Variants in PCBP3 observed in about 807,000 individuals in gnomAD.
PCBP3 encodes the protein poly(rC) binding protein 3, also known as poly(rC)-binding protein 3.
PCBP3 carries 25 observed loss-of-function variants against 52.7 expected under a neutral mutation model. The observed-to-expected ratio is 0.47, with a 90% confidence interval of 0.35 to 0.66. The LOEUF (loss-of-function observed/expected upper bound fraction) is 0.66. PCBP3 is among the 30% of genes least tolerant of loss of function. The pLI is 0.01. For missense variants in PCBP3, 391 were observed against 490.3 expected, an observed-to-expected ratio of 0.80 and a Z score of 1.91; for synonymous variants, 162 against 183.0, an observed-to-expected ratio of 0.89 and a Z score of 0.93.
chr21:45,776,334 A>G (rs1569209176), intron 4 of PCBP3, among the ~76,000 whole-genome samples: 1 of 152,082 alleles, frequency 6.6e-6, no homozygotes, highest in Non-Finnish European at 1.5e-5. Context: ...CTGAAGTCCA[A>G]TTTAAATCTA....
chr21:45,766,416 G>A (rs1569198996), intron 4 of PCBP3, among the ~76,000 whole-genome samples: 1 of 152,230 alleles, frequency 6.6e-6, no homozygotes, highest in East Asian at 1.9e-4. Context: ...TGTAAGAGGA[G>A]GAAGGGATGC....
intron 2 of PCBP3, among the ~76,000 whole-genome samples, chr21:45,670,693 G>A (rs1416002422): frequency 6.6e-6 from 1 of 152,164 alleles, no homozygotes; most frequent in Non-Finnish European, 1.5e-5. Context: ...AGTGCAAATT[G>A]AGGGGTGGTT....
chr21:45,662,271 G>GTTTTTT (rs59220095), intron 1 of PCBP3, among the ~76,000 whole-genome samples: 4 of 97,268 alleles, frequency 4.1e-5, no homozygotes, highest in African/African-American at 1.9e-4. Context: ...ATATACCTAA[G>GTTTTTT]TTTTTTTTTT....
chr21:45,892,596 C>T (rs1490392343), intron 5 of PCBP3, among the ~76,000 whole-genome samples: 5 of 152,268 alleles, frequency 3.3e-5, no homozygotes, highest in South Asian at 4.1e-4. Context: ...ATGGTCTGTG[C>T]GGCAGGTCCA....
chr21:45,704,264 G>A lies in PCBP3; in HGVS notation c.-199-31128G>A, dbSNP rs4819143. On this transcript the variant is annotated intron_variant, in intron 2 of 17. Coordinates refer to ENST00000681687, the MANE Select transcript of PCBP3 (RefSeq NM_001384156.1). This position sits in a 1 kb window ranked among gnomAD's most constrained non-coding sequence, Gnocchi z 4.1. ...CCCTGAGCAGTGTGGAGTCAGTGGT[G>A]GCTGGGAGAAGGGCCATCACTGCTG... is the stretch of plus-strand genomic sequence containing the variant. Among the ~76,000 whole-genome samples the A allele has an allele frequency of 0.17, 26,387 of 152,138 alleles. 2,901 individuals are homozygous for A. The highest frequency in any genetic ancestry group is 0.24 in the Non-Finnish European group (16,244 of 67,970).
intron 5 of PCBP3, among the ~76,000 whole-genome samples, chr21:45,892,514 A>T: frequency 7.2e-6 from 1 of 139,686 alleles, no homozygotes; most frequent in Non-Finnish European, 1.6e-5. Context: ...TGGAGGGCGC[A>T]GTCCCGTCTC....
At chr21:45,792,018 C>T (rs1167752588) in intron 4 of PCBP3, among the ~76,000 whole-genome samples, 1 of 152,270 alleles carries the variant, frequency 6.6e-6, no homozygotes, top group Non-Finnish European at 1.5e-5. Flanking sequence ...TCCTGCTTCT[C>T]CCATTTTCTC....
At chr21:45,810,260 G>A (rs975510884) in intron 4 of PCBP3, among the ~76,000 whole-genome samples, 1 of 151,722 alleles carries the variant, frequency 6.6e-6, no homozygotes, top group African/African-American at 2.4e-5. Flanking sequence ...GAGTGTGTGT[G>A]ACAGAGTCTC....
intron 4 of PCBP3, among the ~76,000 whole-genome samples, chr21:45,823,725 T>TC (rs1251528877): frequency 1.7e-5 from 1 of 57,448 alleles, no homozygotes; most frequent in Non-Finnish European, 3.6e-5. Context: ...AGTAGGTGTT[T>TC]TTTTTTTATT....
intron 1 of PCBP3, among the ~76,000 whole-genome samples, chr21:45,650,432 C>T (rs2079604520): frequency 6.6e-6 from 1 of 152,040 alleles, no homozygotes; most frequent in South Asian, 2.1e-4. Flanking sequence ...CAACATGATA[C>T]TTCATCATCT....
chr21:45,858,027 C>A (rs1156921736), intron 5 of PCBP3, among the ~76,000 whole-genome samples: 1 of 152,232 alleles, frequency 6.6e-6, no homozygotes, highest in African/African-American at 2.4e-5. Context: ...GCTCCTCAGA[C>A]CCACCCTGCA....
At chr21:45,809,418 T>G (rs1003382472) in intron 4 of PCBP3, among the ~76,000 whole-genome samples, 1 of 152,120 alleles carries the variant, frequency 6.6e-6, no homozygotes, top group Non-Finnish European at 1.5e-5. Context: ...AAAGGTGATG[T>G]AGGGCTGAGG....
chr21:45,706,890 C>T (rs903983292), intron 2 of PCBP3, among the ~76,000 whole-genome samples: 6 of 152,216 alleles, frequency 3.9e-5, no homozygotes, highest in Admixed American at 1.3e-4. Context: ...TTTCTCTCTG[C>T]AACTTGGATC....
At chr21:45,834,042 G>A (rs2093519053) in intron 4 of PCBP3, among the ~76,000 whole-genome samples, 1 of 152,158 alleles carries the variant, frequency 6.6e-6, no homozygotes, top group Admixed American at 6.5e-5. Context: ...GGGAAGGCTG[G>A]GGGCTGAGCC....
At chr21:45,883,387 G>A (rs763389873) in intron 5 of PCBP3, among the ~76,000 whole-genome samples, 4 of 152,206 alleles carry the variant, frequency 2.6e-5, no homozygotes, top group South Asian at 2.1e-4. Flanking sequence ...AGAGTGTTCC[G>A]GAAGTGTTCG....
intron 4 of PCBP3, among the ~76,000 whole-genome samples, chr21:45,822,510 G>A (rs541367560): frequency 6.6e-6 from 1 of 152,288 alleles, no homozygotes; most frequent in South Asian, 2.1e-4. Flanking sequence ...AGGGCCAGGA[G>A]AGTGAGGGGC....
chr21:45,826,349 T>C (rs2093308165), intron 4 of PCBP3, among the ~76,000 whole-genome samples: 1 of 152,168 alleles, frequency 6.6e-6, no homozygotes, highest in South Asian at 2.1e-4. Flanking sequence ...CGGTTCAACT[T>C]TCCTGTTAAA....
intron 4 of PCBP3, among the ~76,000 whole-genome samples, chr21:45,770,922 G>A (rs1002261480): frequency 1.3e-5 from 2 of 152,268 alleles, no homozygotes; most frequent in African/African-American, 4.8e-5. Context: ...TGCCCATGCC[G>A]TCACATGGGA....
intron 2 of PCBP3, among the ~76,000 whole-genome samples, chr21:45,689,188 T>C (rs916018283): frequency 3.9e-5 from 6 of 152,082 alleles, no homozygotes; most frequent in African/African-American, 1.4e-4. Flanking sequence ...ATCACTGATA[T>C]AAAAGATGAC....
Sources: gnomAD v4.1 joint callset for allele counts (sites outside exome capture counted in the v4.1 genomes callset) on GRCh38, gnomAD v4.1.1 for gene constraint, Gnocchi (gnomAD v3.1) non-coding constraint, MANE v1.5 for transcripts, NCBI Gene and HGNC (gene_info 2026-07-23, HGNC 2026-07-21) for gene names.